EYS: variants seen among roughly 807,000 people sequenced by gnomAD.
EYS encodes EGF-like photoreceptor maintenance factor, also known as protein eyes shut homolog.
EYS carries 250 observed loss-of-function variants against 282.1 expected under a neutral mutation model. The observed-to-expected ratio is 0.89, with a 90% CI of 0.80 to 0.98. EYS has a LOEUF of 0.98. Among genes scored for constraint, EYS ranks in the 50% least tolerant of loss-of-function variants. The pLI is 0.00. For synonymous variants in EYS, 1,355 were observed against 1,282.9 expected (o/e 1.06, Z -1.20); for missense variants, 4,016 against 3,709.0 (o/e 1.08, Z -2.15).
At chr6:65,647,466 T>C (rs1309705747) in intron 1 of EYS, among the ~76,000 whole-genome samples, 1 of 152,172 alleles carries the variant, frequency 6.6e-6, no homozygotes, top group East Asian at 1.9e-4. Context: ...AAGCCACATG[T>C]AGAAGAATGA....
intron 31 of EYS, among the ~76,000 whole-genome samples, chr6:64,197,770 A>AT (rs5876882): frequency 1.0e-4 from 15 of 149,628 alleles, no homozygotes; most frequent in African/African-American, 3.4e-4. Flanking sequence ...TTTAGGATTG[A>AT]TTTTTTTTTT....
intron 19 of EYS, among the ~76,000 whole-genome samples, chr6:64,847,722 CA>C (rs1255883613): frequency 6.6e-6 from 1 of 151,890 alleles, no homozygotes; most frequent in Non-Finnish European, 1.5e-5. Flanking sequence ...AACAAACAAA[CA>C]AAAAAACCAT....
chr6:64,091,345 C>T (rs371143174), intron 31 of EYS, among the ~76,000 whole-genome samples: 1 of 151,990 alleles, frequency 6.6e-6, no homozygotes, highest in Admixed American at 6.6e-5. Flanking sequence ...TATTTTATCT[C>T]TGTTGTTCTA....
intron 36 of EYS, among the ~76,000 whole-genome samples, chr6:63,860,473 A>G (rs1040736397): frequency 6.6e-6 from 1 of 152,138 alleles, no homozygotes; most frequent in Non-Finnish European, 1.5e-5. Context: ...AAAAAGAACC[A>G]TGAGACAATG....
At chr6:65,455,294 C>T (rs182940508) in intron 5 of EYS, among the ~76,000 whole-genome samples, 3 of 152,078 alleles carry the variant, frequency 2.0e-5, no homozygotes, top group Admixed American at 6.6e-5. Flanking sequence ...AATTCTTTTT[C>T]AGATAGTTCA....
intron 26 of EYS, among the ~76,000 whole-genome samples, chr6:64,545,173 T>C (rs1393197503): frequency 6.6e-6 from 1 of 152,158 alleles, no homozygotes; most frequent in East Asian, 1.9e-4. Flanking sequence ...TTATCCACCA[T>C]GATCAAGTGG....
intron 19 of EYS, 80 bp downstream of exon 19, chr6:64,886,617 G>A: frequency 1.7e-6 from 2 of 1,191,038 alleles, no homozygotes; most frequent in Non-Finnish European, 2.2e-6. Flanking sequence ...ATTATTTCAG[G>A]TTTTGGAGTA....
chr6:64,945,746 A>G, intron 15 of EYS, 47 bp downstream of exon 15: 7 of 1,521,602 alleles, frequency 4.6e-6, no homozygotes, highest in Non-Finnish European at 5.3e-6. Flanking sequence ...AAGGACACTG[A>G]GCACTCCAAG....
At chr6:64,654,704 C>A (rs570129010) in intron 22 of EYS, among the ~76,000 whole-genome samples, 2 of 152,222 alleles carry the variant, frequency 1.3e-5, no homozygotes, top group Admixed American at 6.5e-5. Flanking sequence ...GACATGAATC[C>A]TGATTTTTTA....
intron 2 of EYS, among the ~76,000 whole-genome samples, chr6:65,555,138 T>G (rs188210186): frequency 2.0e-5 from 3 of 152,258 alleles, no homozygotes; most frequent in Non-Finnish European, 2.9e-5. Context: ...ACAGTCACTA[T>G]CAATCAAAAG....
intron 22 of EYS, among the ~76,000 whole-genome samples, chr6:64,700,741 A>G (rs1770756588): frequency 6.6e-6 from 1 of 152,044 alleles, no homozygotes; most frequent in Non-Finnish European, 1.5e-5. Flanking sequence ...AACAAATGAA[A>G]AAAACATCCC....
At chr6:65,248,671 T>C (rs1188202024) in intron 12 of EYS, among the ~76,000 whole-genome samples, 1 of 151,984 alleles carries the variant, frequency 6.6e-6, no homozygotes, top group Non-Finnish European at 1.5e-5. Context: ...CATTTAACTG[T>C]AAATAATATC....
intron 31 of EYS, among the ~76,000 whole-genome samples, chr6:64,164,365 G>C (rs962958107): frequency 2.0e-5 from 3 of 151,982 alleles, no homozygotes; most frequent in Admixed American, 6.6e-5. Context: ...AAAGTTGTTG[G>C]ATTTAGATCT....
At chr6:64,772,788 T>G (rs1183107858) in intron 22 of EYS, among the ~76,000 whole-genome samples, 1 of 151,802 alleles carries the variant, frequency 6.6e-6, no homozygotes, top group Non-Finnish European at 1.5e-5. Flanking sequence ...CCTGGGTTAT[T>G]TCACTTAACA....
rs540221879 is a variant in EYS at position 63,866,461 on chromosome 6, C to G, written c.7056-2103G>C. On this transcript the variant is annotated intron_variant, in intron 35 of 42. Transcript: ENST00000503581. The stretch of plus-strand genomic sequence containing the variant: ...CCTCATATGTGAAAGTCAAACTAAT[C>G]TAAGCATTGATTGATTTAAATGCTT... Among the ~76,000 whole-genome samples the G allele has an allele frequency of 2.0e-5, 3 of 152,312 alleles. No homozygotes were observed. The East Asian group carries it at 5.8e-4, about 29-fold the overall frequency.
chr6:65,516,497 G>A (rs1354008874), intron 2 of EYS, among the ~76,000 whole-genome samples: 6 of 152,090 alleles, frequency 3.9e-5, no homozygotes, highest in Non-Finnish European at 7.4e-5. Context: ...TATAGTAGAA[G>A]CATGAATGGT....
chr6:65,499,773 T>A (rs1766381943), intron 2 of EYS, among the ~76,000 whole-genome samples: 1 of 151,768 alleles, frequency 6.6e-6, no homozygotes, highest in Non-Finnish European at 1.5e-5. Context: ...GGGAAAAAAA[T>A]GGTAAATTTT....
chr6:64,564,154 T>C (rs2149813522), intron 26 of EYS, among the ~76,000 whole-genome samples: 1 of 151,896 alleles, frequency 6.6e-6, no homozygotes, highest in East Asian at 1.9e-4. Context: ...TGTTTTTAAG[T>C]TTCTGAGGAA....
intron 22 of EYS, among the ~76,000 whole-genome samples, chr6:64,704,583 G>A (rs903941404): frequency 8.5e-6 from 1 of 117,688 alleles, no homozygotes; most frequent in Non-Finnish European, 1.8e-5. Context: ...AGTAGATTTG[G>A]GAAGGTGATG....
Sources: allele counts gnomAD v4.1 joint callset (sites outside exome capture counted in the v4.1 genomes callset), GRCh38; gene constraint gnomAD v4.1.1; transcripts MANE v1.5; gene names NCBI Gene and HGNC (gene_info 2026-07-23, HGNC 2026-07-21).